Variants in AGBL1 observed in about 807,000 individuals in gnomAD.
The protein encoded by AGBL1 is AGBL carboxypeptidase 1.
Under a neutral mutation model 118.9 loss-of-function variants are expected in AGBL1, and 130 were observed. That is an observed-to-expected ratio of 1.09 (90% CI 0.95 to 1.26). The LOEUF (loss-of-function observed/expected upper bound fraction) is 1.26, where lower values mean the gene tolerates loss of function less well. AGBL1 is among the 50% of genes most tolerant of loss of function. The probability of loss-of-function intolerance (pLI) is 0.00; values close to 1 mark genes in which losing one functional copy is unlikely to be tolerated. For missense variants in AGBL1, 1,584 were observed against 1,298.1 expected (o/e 1.22, Z -3.38); for synonymous variants, 555 against 478.9 (o/e 1.16, Z -2.08).
chr15:86,996,630 G>A (rs540261155), intron 24 of AGBL1, among the ~76,000 whole-genome samples: 1 of 152,236 alleles, frequency 6.6e-6, no homozygotes, highest in South Asian at 2.1e-4. Flanking sequence ...ATACCTAAGA[G>A]TAGAATTGCT....
intron 17 of AGBL1, among the ~76,000 whole-genome samples, chr15:86,346,957 C>A (rs920388420): frequency 4.6e-5 from 7 of 152,194 alleles, no homozygotes; most frequent in Non-Finnish European, 7.3e-5. Flanking sequence ...ATTACCCCAT[C>A]TGATGCTTCG....
At chr15:86,153,431 T>C (rs540430268) in intron 3 of AGBL1, among the ~76,000 whole-genome samples, 1 of 151,830 alleles carries the variant, frequency 6.6e-6, no homozygotes, top group East Asian at 1.9e-4. Context: ...AAACACTGCA[T>C]GCTCTCACTC....
At chr15:86,401,181 G>C (rs2081438932) in intron 18 of AGBL1, among the ~76,000 whole-genome samples, 1 of 152,064 alleles carries the variant, frequency 6.6e-6, no homozygotes, top group Non-Finnish European at 1.5e-5. Flanking sequence ...TCTCATTGTG[G>C]TTTTAATTTG....
At chr15:86,449,190 A>G (rs1182650060) in intron 18 of AGBL1, among the ~76,000 whole-genome samples, 1 of 152,218 alleles carries the variant, frequency 6.6e-6, no homozygotes, top group South Asian at 2.1e-4. Flanking sequence ...GGCAATGGTA[A>G]TAACAACAAA....
chr15:86,716,780 T>A (rs1231413382), intron 22 of AGBL1, among the ~76,000 whole-genome samples: 2 of 152,144 alleles, frequency 1.3e-5, no homozygotes, highest in Non-Finnish European at 2.9e-5. Flanking sequence ...CTCAACAAAT[T>A]GTTAAATTTT....
At chr15:86,868,180 C>A (rs1308181479) in intron 22 of AGBL1, among the ~76,000 whole-genome samples, 2 of 151,936 alleles carry the variant, frequency 1.3e-5, no homozygotes, top group South Asian at 2.1e-4. Context: ...TGAAAAAAAA[C>A]ATGAAAAAAT....
At chr15:86,548,844 G>T (rs556981435) in intron 20 of AGBL1, among the ~76,000 whole-genome samples, 5 of 152,202 alleles carry the variant, frequency 3.3e-5, no homozygotes, top group Admixed American at 2.6e-4. Context: ...TTGGCTCATG[G>T]TTATGCAGGC....
chr15:86,166,056 C>G (rs2077337312), intron 5 of AGBL1, among the ~76,000 whole-genome samples: 1 of 152,168 alleles, frequency 6.6e-6, no homozygotes, highest in South Asian at 2.1e-4. Flanking sequence ...GTTCGAAGGT[C>G]TTAAGGGACC....
intron 19 of AGBL1, among the ~76,000 whole-genome samples, chr15:86,542,043 A>T (rs2083505175): frequency 6.6e-6 from 1 of 152,214 alleles, no homozygotes; most frequent in East Asian, 1.9e-4. Flanking sequence ...AGAGGTTCTA[A>T]ATTTAATGTG....
intron 24 of AGBL1, among the ~76,000 whole-genome samples, chr15:87,013,229 A>T (rs1054470274): frequency 1.3e-5 from 2 of 152,164 alleles, no homozygotes; most frequent in Non-Finnish European, 2.9e-5. Context: ...AAAACTTTCA[A>T]ATTTAAATAT....
At chr15:86,178,549 C>A (rs1011517321) in intron 5 of AGBL1, among the ~76,000 whole-genome samples, 1 of 152,096 alleles carries the variant, frequency 6.6e-6, no homozygotes, top group Non-Finnish European at 1.5e-5. Context: ...AAAAAGATAA[C>A]CTATATAGCC....
At chr15:86,313,450 CCTTAT>C (rs1383093753) in intron 17 of AGBL1, among the ~76,000 whole-genome samples, 1 of 152,130 alleles carries the variant, frequency 6.6e-6, no homozygotes, top group Non-Finnish European at 1.5e-5. Flanking sequence ...AAGCAAGAAT[CCTTAT>C]CTTAATTTCT....
At chr15:86,483,964 C>A (rs973548921) in intron 18 of AGBL1, among the ~76,000 whole-genome samples, 1 of 152,184 alleles carries the variant, frequency 6.6e-6, no homozygotes, top group Middle Eastern at 3.4e-3. Flanking sequence ...GTGACAATAT[C>A]CTCCCTGTTT....
At chr15:86,571,918 G>A (rs1467841237) in intron 21 of AGBL1, among the ~76,000 whole-genome samples, 1 of 152,160 alleles carries the variant, frequency 6.6e-6, no homozygotes, top group Non-Finnish European at 1.5e-5. Flanking sequence ...CCACACCCAG[G>A]CTGTTCATGC....
rs554876634 is a variant in AGBL1 at position 86,421,855 on chromosome 15, G to A, written c.2555+24309G>A. 6.6e-5 allele frequency among the ~76,000 whole-genome samples: 10 copies of A among 152,252 alleles called. No homozygotes were observed. In the South Asian group the frequency reaches 2.1e-3, roughly 32 times the overall value. ...AACAAAGATTTAAAAAGACAAAGAA[G>A]GGCCTTACATAATGGGAAAGGGATC... On this transcript the variant is annotated intron_variant, in intron 18 of 22. Transcript: ENST00000614907.
chr15:86,901,567 C>G (rs2080212533), intron 22 of AGBL1, among the ~76,000 whole-genome samples: 1 of 151,932 alleles, frequency 6.6e-6, no homozygotes, highest in African/African-American at 2.4e-5. Context: ...ATAAAGAGTC[C>G]TAAGACAAAT....
intron 22 of AGBL1, among the ~76,000 whole-genome samples, chr15:86,788,764 C>T (rs950105948): frequency 5.9e-5 from 9 of 152,092 alleles, no homozygotes; most frequent in African/African-American, 1.9e-4. Flanking sequence ...GATCTGCATC[C>T]AGCATGGTCG....
intron 22 of AGBL1, among the ~76,000 whole-genome samples, chr15:86,896,030 C>A (rs886449626): frequency 6.6e-6 from 1 of 151,982 alleles, no homozygotes; most frequent in Non-Finnish European, 1.5e-5. Context: ...CTTATCTTTG[C>A]TGAACTGTGT....
Position 86,667,512 on chromosome 15 carries a change from G to A in AGBL1, c.2995-6761G>A, listed in dbSNP as rs146203328. The stretch of plus-strand genomic sequence containing the variant: ...ATTTATATCTTGCTCCACTGTCTTA[G>A]GTATTAGTAGTATGAATAAATATTA... On this transcript the variant is annotated intron_variant, in intron 21 of 22. Coordinates refer to ENST00000614907, the MANE Select transcript of AGBL1 (RefSeq NM_001386094.1). 1.0e-3 allele frequency among the ~76,000 whole-genome samples: 157 copies of A among 152,058 alleles called. 1 individual carries two copies. The highest frequency in any genetic ancestry group is 3.7e-3 in the African/African-American group (154 of 41,492).
Sources: gnomAD v4.1 joint callset for allele counts (sites outside exome capture counted in the v4.1 genomes callset) on GRCh38, gnomAD v4.1.1 for gene constraint, MANE v1.5 for transcripts, NCBI Gene and HGNC (gene_info 2026-07-23, HGNC 2026-07-21) for gene names.